Variants in RHD observed in about 807,000 individuals in gnomAD.
RHD encodes Rh blood group D antigen.
In RHD, 16 loss-of-function variants were observed where a neutral mutation model predicts 45.5. The ratio of observed to expected loss-of-function variants is 0.35; its 90% confidence interval spans 0.24 to 0.53. The LOEUF is 0.53. RHD is among the 20% of genes least tolerant of loss of function. RHD has a pLI of 0.92. For synonymous variants in RHD, 131 were observed against 217.5 expected, an observed-to-expected ratio of 0.60 and a Z score of 3.50; for missense variants, 306 against 532.0, an observed-to-expected ratio of 0.58 and a Z score of 4.18.
At chr1:25,299,085 A>C (rs1301980639) in intron 3 of RHD, among the ~76,000 whole-genome samples, 2 of 126,544 alleles carry the variant, frequency 1.6e-5, no homozygotes, top group Admixed American at 7.7e-5. Flanking sequence ...AAAAAAAAAA[A>C]AAAAAAAAAA....
At position 25,310,538 on chromosome 1, in the gene RHD, A is replaced by G. The variant is rs1262223203; in HGVS notation, c.1073+3809A>G. ...TTTGTCATAGCAACAGAATATGGAC[A>G]AAGAAAGAAAATTAATGCAAGAAGT... On this transcript the variant is annotated intron_variant, in intron 7 of 9. Coordinates refer to ENST00000328664, the MANE Select transcript of RHD (RefSeq NM_016124.6). Among the ~76,000 whole-genome samples the G allele has an allele frequency of 1.5e-5, 2 of 131,644 alleles. 1 individual carries two copies. Among genetic ancestry groups the G allele is most frequent in the Non-Finnish European group, 3.6e-5 (2 of 55,458 alleles). The allele number at this position is 131,644 out of a possible 152,430, so 86.4% of individuals were successfully genotyped here.
rs1334597522 is a variant in RHD at position 25,316,233 on chromosome 1, G to A, written c.1074-767G>A. ...CGTGGAAGTATGTTCAAGGGGTAGGGATGGGCAGGGGAGATGGGTCTGAAA... is the reference window on the plus strand; with the variant it reads ...CGTGGAAGTATGTTCAAGGGGTAGGAATGGGCAGGGGAGATGGGTCTGAAA... On this transcript the variant is annotated intron_variant, in intron 7 of 9. Coordinates refer to ENST00000328664, the MANE Select transcript of RHD (RefSeq NM_016124.6). Among the ~76,000 whole-genome samples the A allele has an allele frequency of 1.5e-5, 2 of 129,928 alleles. 1 individual carries two copies. The highest frequency in any genetic ancestry group is 3.6e-5 in the Non-Finnish European group (2 of 55,066). 85.2% of individuals were successfully genotyped at this position (129,928 alleles called of 152,430 possible).
intron 5 of RHD, among the ~76,000 whole-genome samples, chr1:25,303,030 A>C (rs1164259878): frequency 1.5e-5 from 2 of 131,040 alleles, no homozygotes; most frequent in Non-Finnish European, 3.6e-5. Context: ...CACACCACTA[A>C]TGAGTGTGAT....
At chr1:25,296,311 A>G (rs1642955745) in intron 3 of RHD, among the ~76,000 whole-genome samples, 1 of 121,326 alleles carries the variant, frequency 8.2e-6, no homozygotes, top group Admixed American at 8.0e-5. Context: ...CGGTGGTGTG[A>G]TCTCGGCTCA....
At position 25,313,974 on chromosome 1, in the gene RHD, C is replaced by A. The variant is rs1480085656; in HGVS notation, c.1074-3026C>A. Among the ~76,000 whole-genome samples the A allele has an allele frequency of 1.5e-5, 2 of 132,678 alleles. 1 individual carries two copies. Among genetic ancestry groups the A allele is most frequent in the Admixed American group, 1.5e-4 (2 of 13,688 alleles). 87.0% of individuals were successfully genotyped at this position (132,678 alleles called of 152,430 possible). A position where few individuals can be genotyped will look rare whatever the true frequency, so the allele number is the denominator to read the frequency against. On this transcript the variant is annotated intron_variant, in intron 7 of 9. Transcript: ENST00000328664. The stretch of plus-strand genomic sequence containing the variant: ...TGTGAATGCAGCAGAATTTATTTAT[C>A]CATTATTGAGGAGGATTTGGGTAGT...
At position 25,276,890 on chromosome 1, in the gene RHD, C is replaced by T. The variant is rs1187904755; in HGVS notation, c.148+4195C>T. Among the ~76,000 whole-genome samples, 23 of 130,844 alleles carry T rather than the reference C, an allele frequency of 1.8e-4. 7 individuals carry two copies. Among genetic ancestry groups the T allele is most frequent in the Non-Finnish European group, 2.5e-4 (14 of 55,386 alleles). The allele number at this position is 130,844 out of a possible 152,430, so 85.8% of individuals were successfully genotyped here. On this transcript the variant is annotated intron_variant, in intron 1 of 9. Transcript: ENST00000328664. ...GACCATCCTGGCTAACACGATGAAA[C>T]CCCATCTCTACCAAAAATACAAAAA...
At chr1:25,276,928 G>A (rs1172061377) in intron 1 of RHD, among the ~76,000 whole-genome samples, 4 of 130,812 alleles carry the variant, frequency 3.1e-5, no homozygotes, top group African/African-American at 1.0e-4. Flanking sequence ...TTAGCCGGGT[G>A]TGGTGGCGGG....
chr1:25,301,279 G>C (rs1571668386), intron 4 of RHD, among the ~76,000 whole-genome samples, 186 bp downstream of exon 4: 1 of 131,216 alleles, frequency 7.6e-6, no homozygotes, highest in East Asian at 2.0e-4. Context: ...ACTTCACAGA[G>C]CAGGTTCAGG....
At chr1:25,324,542 A>G (rs1459963418) in intron 9 of RHD, among the ~76,000 whole-genome samples, 1 of 152,158 alleles carries the variant, frequency 6.6e-6, no homozygotes, top group Non-Finnish European at 1.5e-5. Flanking sequence ...GTTATTTTAA[A>G]GATCAAGTGA....
At chr1:25,274,834 GCA>G (rs1487011752) in intron 1 of RHD, among the ~76,000 whole-genome samples, 7 of 120,564 alleles carry the variant, frequency 5.8e-5, no homozygotes, top group East Asian at 2.1e-4. Flanking sequence ...TGGCAAAACC[GCA>G]TCTCTACTAA....
chr1:25,301,109 G>T lies in RHD; in HGVS notation c.634+16G>T. On this transcript the variant is annotated intron_variant, in intron 4 of 9. Transcript: ENST00000328664. ...GCCATGCTGGGTAAGGACAAGGTGG[G>T]GTGAGTGGTCTCCTACTTGGGCTGA... 7.3e-7 allele frequency: 1 copy of T among 1,374,422 alleles called. No individual in the cohort carries two copies. Among genetic ancestry groups the T allele is most frequent in the South Asian group, 1.2e-5 (1 of 84,724 alleles). 85.1% of individuals were successfully genotyped at this position (1,374,422 alleles called of 1,614,324 possible). A position where few individuals can be genotyped will look rare whatever the true frequency, so the allele number is the denominator to read the frequency against.
intron 1 of RHD, among the ~76,000 whole-genome samples, chr1:25,276,938 G>A (rs1641056747): frequency 1.5e-5 from 2 of 129,902 alleles, no homozygotes; most frequent in South Asian, 2.4e-4. Context: ...GTGGTGGCGG[G>A]TGCCTGTAGT....
At chr1:25,303,170 G>C in intron 5 of RHD, 152 bp from the exon 6 acceptor site, 1 of 883,444 alleles carries the variant, frequency 1.1e-6, no homozygotes, top group East Asian at 2.5e-5. Context: ...TGAAGGACAC[G>C]TAGCCCCAAC....
At position 25,301,505 on chromosome 1, in the gene RHD, C is replaced by T; in HGVS notation, c.635-15C>T. On this transcript the variant is annotated splice_polypyrimidine_tract_variant and intron_variant, in intron 4 of 9. Transcript: ENST00000328664. Reference sequence around the variant, plus strand: ...AGGAGTGTGATTCTGGCCAACCACCCTCTCTGGCCCCCAGGCGCCCTCTTC... The same window carrying T: ...AGGAGTGTGATTCTGGCCAACCACCTTCTCTGGCCCCCAGGCGCCCTCTTC... The T allele has an allele frequency of 3.6e-6, 5 of 1,377,488 alleles. 2 individuals carry two copies. The highest frequency in any genetic ancestry group is 5.1e-6 in the Non-Finnish European group (5 of 978,134). 85.3% of individuals were successfully genotyped at this position (1,377,488 alleles called of 1,614,324 possible).
chr1:25,293,096 A>G lies in RHD; in HGVS notation c.486+2305A>G, dbSNP rs559966542. On this transcript the variant is annotated intron_variant, in intron 3 of 9. Coordinates refer to ENST00000328664, the MANE Select transcript of RHD (RefSeq NM_016124.6). The stretch of plus-strand genomic sequence containing the variant: ...CATGGTTGTAGAGGAGGATGAAGGC[A>G]ACAGCCTGGCTTGACTGATTCAAGA... Among the ~76,000 whole-genome samples, 53 of 131,814 alleles carry G rather than the reference A, an allele frequency of 4.0e-4. 8 individuals carry two copies. The South Asian group carries it at 0.012, about 30-fold the overall frequency. The allele number at this position is 131,814 out of a possible 152,430, so 86.5% of individuals were successfully genotyped here.
In RHD at chr1:25,318,974, C is replaced by T. The variant is rs112514609; in HGVS notation, c.1153+1895C>T. On this transcript the variant is annotated intron_variant, in intron 8 of 9. Transcript: ENST00000328664. ...TTGTGAAGAAGCAGAGGCGGAGTAG[C>T]GTTAATTCCGTAAGTTAACGTTCAG... is the stretch of plus-strand genomic sequence containing the variant. Among the ~76,000 whole-genome samples, 6 of 132,906 alleles carry T rather than the reference C, an allele frequency of 4.5e-5. No homozygotes were observed. The East Asian group carries it at 5.9e-4, about 13-fold the overall frequency. The allele number at this position is 132,906 out of a possible 152,430, so 87.2% of individuals were successfully genotyped here.
intron 3 of RHD, among the ~76,000 whole-genome samples, chr1:25,298,528 C>T (rs1643122215): frequency 7.7e-6 from 1 of 130,288 alleles, no homozygotes; most frequent in South Asian, 2.4e-4. Flanking sequence ...AATGAATATT[C>T]CAGGCCAAGA....
rs752237488 is a variant in RHD at position 25,321,950 on chromosome 1, A to C, written c.1215A>C (p.Gln405His). Residue 405 changes from glutamine to histidine, a missense_variant, in exon 9 of 10, where the codon CAA becomes CAC. Gln to His is a conservative substitution (Grantham distance 24). Coordinates refer to ENST00000328664, the MANE Select transcript of RHD (RefSeq NM_016124.6). ...APHEAKYFDD[Q>H]VFWKFPHLAV... ...ATGAGGCTAAATATTTTGATGACCA[A>C]GTTTTCTGGAAGGTAAGATTTTTCA... 2 of 1,323,414 alleles carry C rather than the reference A, an allele frequency of 1.5e-6. 1 individual carries two copies. The highest frequency in any genetic ancestry group is 3.6e-5 in the Admixed American group (2 of 55,910). 82.0% of individuals were successfully genotyped at this position (1,323,414 alleles called of 1,614,324 possible).
Position 25,290,736 on chromosome 1 carries a change from T to C in RHD, c.431T>C (p.Leu144Pro), listed in dbSNP as rs775007210. The C allele has an allele frequency of 6.5e-6, 9 of 1,377,720 alleles. 1 individual carries two copies. Among genetic ancestry groups the C allele is most frequent in the South Asian group, 2.4e-5 (2 of 84,668 alleles). The allele number at this position is 1,377,720 out of a possible 1,614,324, so 85.3% of individuals were successfully genotyped here. A position where few individuals can be genotyped will look rare whatever the true frequency, so the allele number is the denominator to read the frequency against. ...VNLAQLVVMV[L>P]VEVTALGNLR... ...TTGGCGCAGTTGGTGGTGATGGTGC[T>C]GGTGGAGGTGACAGCTTTAGGCAAC... The change falls in exon 3 of 10, where the codon CTG (leucine) becomes CCG (proline). Residue 144 changes from leucine to proline, a missense_variant. By Grantham distance (98) the Leu-to-Pro change is moderately conservative. Transcript: ENST00000328664.
Sources: gnomAD v4.1 joint callset for allele counts (sites outside exome capture counted in the v4.1 genomes callset) on GRCh38, gnomAD v4.1.1 for gene constraint, MANE v1.5 for transcripts, NCBI Gene and HGNC (gene_info 2026-07-23, HGNC 2026-07-21) for gene names.